The following UBAC1 variants were observed in gnomAD, a reference collection of about 807,000 sequenced individuals.
UBAC1 encodes the protein ubiquitin-associated domain-containing protein 1.
In UBAC1, 27 loss-of-function variants were observed where a neutral mutation model predicts 45.9. The observed-to-expected ratio is 0.59, with a 90% CI of 0.43 to 0.81. The LOEUF (loss-of-function observed/expected upper bound fraction) is 0.81. UBAC1 is among the 30% of genes least tolerant of loss of function. The pLI is 0.00. For missense variants in UBAC1, 529 were observed against 539.2 expected, an observed-to-expected ratio of 0.98 and a Z score of 0.19; for synonymous variants, 227 against 215.5, an observed-to-expected ratio of 1.05 and a Z score of -0.47.
At chr9:135,948,841 G>A (rs1333732223) in intron 3 of UBAC1, among the ~76,000 whole-genome samples, 1 of 152,176 alleles carries the variant, frequency 6.6e-6, no homozygotes, top group Admixed American at 6.5e-5. Context: ...AGGCCAAGGT[G>A]GGTGAATTAC....
intron 3 of UBAC1, among the ~76,000 whole-genome samples, chr9:135,953,299 CT>C (rs201221202): frequency 1.1e-4 from 17 of 149,534 alleles, no homozygotes; most frequent in African/African-American, 1.7e-4. Context: ...CTTTATAATT[CT>C]TTTTTTTTTA....
chr9:135,952,071 C>G (rs1036676571), intron 3 of UBAC1, among the ~76,000 whole-genome samples: 3 of 152,202 alleles, frequency 2.0e-5, no homozygotes, highest in African/African-American at 7.2e-5. Flanking sequence ...GCAGCAGTTC[C>G]CAGAAACAGG....
chr9:135,943,693 C>T (rs1839294511), intron 7 of UBAC1, among the ~76,000 whole-genome samples: 1 of 152,148 alleles, frequency 6.6e-6, no homozygotes, highest in Non-Finnish European at 1.5e-5. Flanking sequence ...ATAGCAAAGA[C>T]ATAGAATCAA....
chr9:135,948,107 T>C (rs976120957), intron 3 of UBAC1: 3 of 540,412 alleles, frequency 5.6e-6, no homozygotes, highest in Non-Finnish European at 9.8e-6. Flanking sequence ...GCGTCTGCTC[T>C]GACGTAAATA....
At chr9:135,953,825 T>C in intron 2 of UBAC1, 72 bp from the exon 3 acceptor site, 2 of 1,392,524 alleles carry the variant, frequency 1.4e-6, no homozygotes, top group Non-Finnish European at 2.0e-6. Context: ...TAAAGGGTGC[T>C]GGATGCCCTG....
chr9:135,945,141 C>T lies in UBAC1; in HGVS notation c.763G>A (p.Ala255Thr). The change falls in exon 7 of 10, where the codon GCT becomes ACT. Residue 255 changes from alanine (A) to threonine (T), a missense_variant. By Grantham distance (58) the Ala-to-Thr change is moderately conservative. Transcript: ENST00000371756. ...GCTCCCGCGGCAGCCTCGGAGGCAG[C>T]TGCTGTGGCCCCCTCGGCCTCTGGG... Reference protein sequence around the residue: ...APPEAEGATAAASEAAAGASA... With the variant: ...APPEAEGATATASEAAAGASA... 6.2e-7 allele frequency: 1 copy of T among 1,613,960 alleles called. No individual in the cohort carries two copies. Among genetic ancestry groups the T allele is most frequent in the East Asian group, 2.2e-5 (1 of 44,890 alleles).
At chr9:135,960,725 C>T (rs1211587997) in intron 1 of UBAC1, among the ~76,000 whole-genome samples, 2 of 152,244 alleles carry the variant, frequency 1.3e-5, no homozygotes, top group Non-Finnish European at 2.9e-5. Context: ...GCAGAGTTAA[C>T]TGAGAGGCTG....
intron 3 of UBAC1, among the ~76,000 whole-genome samples, chr9:135,951,315 TA>T (rs1839403772): frequency 6.6e-6 from 1 of 151,554 alleles, no homozygotes; most frequent in African/African-American, 2.4e-5. Flanking sequence ...CACTTTGACT[TA>T]AAAATTAATT....
In UBAC1 at chr9:135,945,111, C is replaced by T. The variant is rs138871017; in HGVS notation, c.793G>A (p.Ala265Thr). Residue 265 changes from alanine to threonine, a missense_variant, in exon 7 of 10, where the codon GCC (alanine) becomes ACC (threonine). By Grantham distance (58) the Ala-to-Thr change is moderately conservative. Coordinates refer to ENST00000371756, the MANE Select transcript of UBAC1 (RefSeq NM_016172.3). ...TCATCTCTGGCCTCCTCATCGGTGG[C>T]GCTGGCTCCCGCGGCAGCCTCGGAG... is the stretch of plus-strand genomic sequence containing the variant. Reference protein sequence around the residue: ...AASEAAAGASATDEEARDELT... With the variant: ...AASEAAAGASTTDEEARDELT... 574 of 1,614,040 alleles carry T rather than the reference C, an allele frequency of 3.6e-4. 5 individuals are homozygous for T. The East Asian group carries it at 0.012, about 34-fold the overall frequency.
chr9:135,935,558 G>A (rs1378971665), intron 9 of UBAC1, among the ~76,000 whole-genome samples: 4 of 152,194 alleles, frequency 2.6e-5, no homozygotes, highest in African/African-American at 4.8e-5. Flanking sequence ...CTTGAGCCCA[G>A]GAGGTCAAGG....
chr9:135,960,716 CAG>C (rs1448376466), intron 1 of UBAC1, among the ~76,000 whole-genome samples: 1 of 152,236 alleles, frequency 6.6e-6, no homozygotes, highest in Non-Finnish European at 1.5e-5. Context: ...TGCGTGGCTG[CAG>C]AGTTAACTGA....
intron 1 of UBAC1, among the ~76,000 whole-genome samples, chr9:135,957,965 G>A (rs556036375): frequency 1.3e-5 from 2 of 151,716 alleles, no homozygotes; most frequent in East Asian, 3.9e-4. Context: ...TAGTACAGAA[G>A]GGGTATTGCC....
In UBAC1 at chr9:135,945,990, C is replaced by T. The variant is rs750804459; in HGVS notation, c.552G>A (p.Leu184=). 6.2e-7 allele frequency: 1 copy of T among 1,613,686 alleles called. No individual in the cohort carries two copies. The highest frequency in any genetic ancestry group is 1.1e-5 in the South Asian group (1 of 91,088). Residue 184 remains leucine (L), a synonymous_variant, in exon 6 of 10, where the codon CTG becomes CTA. Transcript: ENST00000371756. The part of the protein sequence containing the change: ...VELFKKANAM[L]DEDEDERVDE... The stretch of plus-strand genomic sequence containing the variant: ...CCACACGCTCATCCTCGTCCTCGTC[C>T]AGCATTGCTGCAGGGAGACGACAGG...
rs758729908 is a variant in UBAC1, at chr9:135,945,019, AAC to A, written c.876+7_876+8del. 16 of 1,611,736 alleles carry A rather than the reference AAC, an allele frequency of 9.9e-6. No homozygotes were observed. Among genetic ancestry groups the A allele is most frequent in the Admixed American group, 1.7e-5 (1 of 59,666 alleles). ...GACTCTGCCTGGCGACAGGTCTAGT[AAC>A]ACATACCCGAGCATCAGCCCGAAAC... On this transcript the variant is annotated splice_region_variant and intron_variant, in intron 7 of 9. Coordinates refer to ENST00000371756, the MANE Select transcript of UBAC1 (RefSeq NM_016172.3).
At chr9:135,934,116 CCT>C (rs1839178545) in intron 9 of UBAC1, among the ~76,000 whole-genome samples, 1 of 152,190 alleles carries the variant, frequency 6.6e-6, no homozygotes. Context: ...TCTGCCAGCC[CCT>C]CTGCCAGGAT....
chr9:135,940,579 C>CA (rs530657427), intron 7 of UBAC1, among the ~76,000 whole-genome samples: 3,110 of 70,004 alleles, frequency 0.044, 46 homozygotes, highest in Middle Eastern at 0.067. Context: ...GACTCCATCT[C>CA]AAAAAAAAAA....
At chr9:135,935,083 G>C (rs1253909961) in intron 9 of UBAC1, among the ~76,000 whole-genome samples, 3 of 152,056 alleles carry the variant, frequency 2.0e-5, no homozygotes, top group Non-Finnish European at 4.4e-5. Flanking sequence ...TTTTAGTAGA[G>C]AGGAGGTCCT....
At chr9:135,936,801 T>A (rs1280476286) in intron 9 of UBAC1, among the ~76,000 whole-genome samples, 1 of 151,234 alleles carries the variant, frequency 6.6e-6, no homozygotes, top group Non-Finnish European at 1.5e-5. Context: ...CCATGGAGGG[T>A]TTTCTTTAAA....
In UBAC1 at chr9:135,933,234, C is replaced by G; in HGVS notation, c.*166G>C. The G allele has an allele frequency of 1.6e-6, 1 of 611,740 alleles. No homozygotes were observed. The highest frequency in any genetic ancestry group is 2.8e-5 in the East Asian group (1 of 36,112). The allele number at this position is 611,740 out of a possible 1,614,324, so 37.9% of individuals were successfully genotyped here. ...AATACGGCCTTACACACTACCGTCA[C>G]CAAAGTTTATAAGCAATAAGATCAG... On this transcript the variant is annotated 3_prime_UTR_variant, in exon 10 of 10. Transcript: ENST00000371756.
Sources: allele counts gnomAD v4.1 joint callset (sites outside exome capture counted in the v4.1 genomes callset), GRCh38; gene constraint gnomAD v4.1.1; transcripts MANE v1.5; gene names NCBI Gene and HGNC (gene_info 2026-07-23, HGNC 2026-07-21).